The following TSBP1 variants were observed in gnomAD, a reference collection of about 807,000 sequenced individuals.
The protein encoded by TSBP1 is testis-expressed basic protein 1.
A neutral mutation model predicts 68.8 loss-of-function variants in TSBP1; 56 were observed. The ratio of observed to expected loss-of-function variants is 0.81; its 90% confidence interval spans 0.66 to 1.02. The LOEUF (loss-of-function observed/expected upper bound fraction) is 1.02, where lower values mean the gene tolerates loss of function less well. Among genes scored for constraint, TSBP1 ranks in the 50% least tolerant of loss-of-function variants. The pLI, the probability that TSBP1 is intolerant of heterozygous loss-of-function variation, is 0.00. For missense variants in TSBP1, 502 were observed against 641.2 expected (o/e 0.78, Z 2.34); for synonymous variants, 171 against 208.7 (o/e 0.82, Z 1.56).
Position 32,315,875 on chromosome 6 carries a change from C to T in TSBP1, c.560-83G>A, listed in dbSNP as rs1332489247. The stretch of plus-strand genomic sequence containing the variant: ...ATTATCTAACATATTTTGTTGGAGT[C>T]TGTGAGGGGAGGACTTGTGTGGGCA... On this transcript the variant is annotated intron_variant, in intron 18 of 22. Transcript: ENST00000612031. This position sits in a 1 kb window ranked among gnomAD's most constrained non-coding sequence, Gnocchi z 5.4. 1 of 875,130 alleles carries T rather than the reference C, an allele frequency of 1.1e-6. No individual in the cohort carries two copies. The highest frequency in any genetic ancestry group is 1.7e-6 in the Non-Finnish European group (1 of 571,572). The allele number at this position is 875,130 out of a possible 1,614,324, so 54.2% of individuals were successfully genotyped here. A position where few individuals can be genotyped will look rare whatever the true frequency, so the allele number is the denominator to read the frequency against.
At position 32,365,060 on chromosome 6, in the gene TSBP1, A is replaced by ATTTTT. The variant is rs140033884; in HGVS notation, c.217+1102_217+1106dup. 4.8e-5 allele frequency among the ~76,000 whole-genome samples: 7 copies of ATTTTT among 145,448 alleles called. No homozygotes were observed. Among genetic ancestry groups the ATTTTT allele is most frequent in the African/African-American group, 1.8e-4 (7 of 39,236 alleles). On this transcript the variant is annotated intron_variant, in intron 6 of 22. Coordinates refer to ENST00000612031, the Ensembl canonical transcript of TSBP1. The surrounding 1 kb of genome is among the most constrained non-coding windows in gnomAD (Gnocchi z 4.3). The stretch of plus-strand genomic sequence containing the variant: ...AGGTGTGCACCGCCACATCCAACTG[A>ATTTTT]TTTTTTTTTTTTTTAGAGACGGAGT...
intron 9 of TSBP1, among the ~76,000 whole-genome samples, chr6:32,344,013 G>A (rs181874256): frequency 1.3e-5 from 2 of 150,764 alleles, no homozygotes; most frequent in African/African-American, 5.0e-5. Flanking sequence ...AGTCTTATTT[G>A]TCTTACATTG....
intron 17 of TSBP1, 27 bp from the exon 19 acceptor site, chr6:32,323,164 A>G (rs767591504): frequency 2.2e-5 from 33 of 1,496,108 alleles, no homozygotes; most frequent in Non-Finnish European, 2.7e-5. Context: ...ATATTGGTGA[A>G]GATTTCTTTG....
intron 4 of TSBP1, 171 bp from the exon 5 acceptor site, chr6:32,366,473 A>G (rs1773731636): frequency 4.0e-6 from 3 of 756,592 alleles, no homozygotes; most frequent in African/African-American, 1.7e-5. Flanking sequence ...TGAAAAAATA[A>G]GTTTATCGGG....
intron 19 of TSBP1, among the ~76,000 whole-genome samples, chr6:32,309,090 C>T (rs954090681): frequency 3.3e-5 from 5 of 151,574 alleles, no homozygotes; most frequent in African/African-American, 1.2e-4. Flanking sequence ...GCTGTGACTA[C>T]AGGCATGCAC....
chr6:32,295,357 A>C (rs533459121), intron 22 of TSBP1, among the ~76,000 whole-genome samples: 9,699 of 125,394 alleles, frequency 0.077, 377 homozygotes, highest in South Asian at 0.13. Context: ...CACAAAAAAA[A>C]AAAAAAAAAA....
At chr6:32,369,499 C>T (rs1238058211) in intron 2 of TSBP1, among the ~76,000 whole-genome samples, 6 of 151,514 alleles carry the variant, frequency 4.0e-5, no homozygotes, top group South Asian at 4.2e-4. Flanking sequence ...GTCTCCCGAG[C>T]GGCTAGGCTT....
At chr6:32,323,652 T>C in intron 16 of TSBP1, 38 bp from the exon 18 acceptor site, 1 of 1,604,186 alleles carries the variant, frequency 6.2e-7, no homozygotes, top group Non-Finnish European at 8.5e-7. Flanking sequence ...CTGTTTTTTC[T>C]CCCATGATAT....
exon 23 of TSBP1, chr6:32,293,523 T>C (rs745483322): frequency 6.2e-7 from 1 of 1,611,460 alleles, no homozygotes; most frequent in Non-Finnish European, 8.5e-7. Context: ...TGACTCTTCT[T>C]TACTTGGGAT....
intron 16 of TSBP1, 94 bp downstream of exon 17, chr6:32,330,495 G>T: frequency 8.9e-7 from 1 of 1,123,372 alleles, no homozygotes; most frequent in Non-Finnish European, 1.3e-6. Flanking sequence ...ATGGCAGTGA[G>T]ACACATCTAG....
chr6:32,355,826 A>G (rs1341101951), intron 6 of TSBP1, 157 bp from the exon 7 acceptor site: 12 of 916,206 alleles, frequency 1.3e-5, no homozygotes, highest in Non-Finnish European at 1.8e-5. Context: ...TATAAGTTTA[A>G]TGACATTAAA....
In TSBP1 at chr6:32,351,345, T is replaced by C. The variant is rs73396965; in HGVS notation, c.260-1516A>G. Among the ~76,000 whole-genome samples the C allele has an allele frequency of 9.0e-3, 1,377 of 152,210 alleles. 18 individuals carry two copies. The highest frequency in any genetic ancestry group is 0.031 in the African/African-American group (1,273 of 41,540). On this transcript the variant is annotated intron_variant, in intron 8 of 22. Coordinates refer to ENST00000612031, the Ensembl canonical transcript of TSBP1. ...CCATTATTTGAAGATGGTGGAGTCA[T>C]TAGTTAAGATGAATTTGAGTGCCTA... is the stretch of plus-strand genomic sequence containing the variant.
At chr6:32,370,984 A>G (rs1038535604) in intron 1 of TSBP1, among the ~76,000 whole-genome samples, 2 of 152,178 alleles carry the variant, frequency 1.3e-5, no homozygotes, top group African/African-American at 4.8e-5. Flanking sequence ...GACTACTTCA[A>G]ACGAACAATA....
intron 5 of TSBP1, 29 bp from the exon 6 acceptor site, chr6:32,366,216 T>G: frequency 6.3e-7 from 1 of 1,593,680 alleles, no homozygotes; most frequent in Non-Finnish European, 8.5e-7. Flanking sequence ...ATTATAAGAT[T>G]CTTAATTTCT....
chr6:32,369,894 C>T lies in TSBP1; in HGVS notation c.100+3G>A, dbSNP rs763003731. On this transcript the variant is annotated splice_donor_region_variant and intron_variant, in intron 2 of 22. Transcript: ENST00000612031. ...ATCTTCATTTTGACTCATTATTACT[C>T]ACCACTTTGCTTACATCGTGCCCAT... The T allele has an allele frequency of 2.4e-5, 38 of 1,573,430 alleles. No individual in the cohort carries two copies. Among genetic ancestry groups the T allele is most frequent in the Non-Finnish European group, 3.3e-5 (38 of 1,144,018 alleles).
intron 6 of TSBP1, among the ~76,000 whole-genome samples, chr6:32,362,115 C>A (rs1320538423): frequency 6.6e-6 from 1 of 151,892 alleles, no homozygotes; most frequent in South Asian, 2.1e-4. Context: ...ACGGTGAAAC[C>A]CTGTCTCTAC....
At chr6:32,344,648 C>T (rs1770768667) in intron 9 of TSBP1, among the ~76,000 whole-genome samples, 1 of 152,110 alleles carries the variant, frequency 6.6e-6, no homozygotes, top group Non-Finnish European at 1.5e-5. Flanking sequence ...TCACACTACC[C>T]TCACCAGGGA....
In TSBP1 at chr6:32,333,020, T is replaced by G. The variant is rs574937067; in HGVS notation, c.473-966A>C. 5.8e-4 allele frequency among the ~76,000 whole-genome samples: 88 copies of G among 150,614 alleles called. 1 individual carries two copies. Among genetic ancestry groups the G allele is most frequent in the Middle Eastern group, 3.4e-3 (1 of 290 alleles). On this transcript the variant is annotated intron_variant, in intron 14 of 22. Transcript: ENST00000612031. The surrounding 1 kb of genome is among the most constrained non-coding windows in gnomAD (Gnocchi z 4.2). ...CTGTTATGTTTTTTTTGTTGTTGTT[T>G]TTTTTTTAGACAGAGTCTTACTCTG... is the stretch of plus-strand genomic sequence containing the variant.
At chr6:32,301,959 AATCATCATC>A (rs201248872) in intron 20 of TSBP1, among the ~76,000 whole-genome samples, 6,959 of 73,696 alleles carry the variant, frequency 0.094, 367 homozygotes, top group African/African-American at 0.19. Context: ...AAATAGTTGA[AATCATCATC>A]ATAATAATAA....
Sources: gnomAD v4.1 joint callset for allele counts (sites outside exome capture counted in the v4.1 genomes callset) on GRCh38, gnomAD v4.1.1 for gene constraint, Gnocchi (gnomAD v3.1) non-coding constraint, MANE v1.5 for transcripts, NCBI Gene and HGNC (gene_info 2026-07-23, HGNC 2026-07-21) for gene names.